Variants in COL21A1 observed in about 807,000 individuals in gnomAD.
The protein encoded by COL21A1 is collagen type XXI alpha 1 chain.
COL21A1 carries 149 observed loss-of-function variants against 137.9 expected under a neutral mutation model. The ratio of observed to expected loss-of-function variants is 1.08; its 90% CI spans 0.95 to 1.24. The LOEUF is 1.24. COL21A1 is among the 50% of genes most tolerant of loss of function. COL21A1 has a pLI of 0.00. For missense variants in COL21A1, 1,167 were observed against 1,158.4 expected (o/e 1.01, Z -0.11); for synonymous variants, 456 against 391.5 (o/e 1.16, Z -1.95).
chr6:56,101,561 A>T, intron 16 of COL21A1, 36 bp from the exon 17 acceptor site: 1 of 1,467,156 alleles, frequency 6.8e-7, no homozygotes, highest in Non-Finnish European at 9.4e-7. Flanking sequence ...TAGAGAATTC[A>T]GTTTTGAGGT....
At chr6:56,388,117 T>C (rs1030122213) in intron 1 of COL21A1, among the ~76,000 whole-genome samples, 14 of 152,196 alleles carry the variant, frequency 9.2e-5, no homozygotes, top group Admixed American at 3.9e-4. Context: ...AAGCCCCTGA[T>C]TGCAAGCCTT....
chr6:56,284,742 T>A (rs1270284830), intron 1 of COL21A1, among the ~76,000 whole-genome samples: 1 of 128,492 alleles, frequency 7.8e-6, no homozygotes, highest in Non-Finnish European at 1.7e-5. Flanking sequence ...ATGAACTTCA[T>A]CGACCTACCC....
chr6:56,326,084 T>C (rs1765083980), intron 1 of COL21A1, among the ~76,000 whole-genome samples: 1 of 128,540 alleles, frequency 7.8e-6, no homozygotes, highest in South Asian at 2.3e-4. Flanking sequence ...ATATTAATTA[T>C]GATAACTGAT....
chr6:56,332,978 C>T (rs1002989708), intron 1 of COL21A1, among the ~76,000 whole-genome samples: 8 of 151,886 alleles, frequency 5.3e-5, no homozygotes, highest in East Asian at 1.9e-4. Flanking sequence ...ATTTAGTTTT[C>T]CATGTTGTTT....
chr6:56,381,644 T>G (rs185396510), intron 1 of COL21A1, among the ~76,000 whole-genome samples: 16 of 152,342 alleles, frequency 1.1e-4, no homozygotes, highest in African/African-American at 3.8e-4. Flanking sequence ...TCACCGAACA[T>G]AAGCTACAAA....
At chr6:56,200,080 T>G (rs1465055168) in intron 1 of COL21A1, among the ~76,000 whole-genome samples, 3 of 152,100 alleles carry the variant, frequency 2.0e-5, no homozygotes, top group African/African-American at 7.2e-5. Context: ...GAGCCACACT[T>G]GATCAGATCT....
chr6:56,211,299 T>C (rs770407124), intron 1 of COL21A1, among the ~76,000 whole-genome samples: 3 of 150,614 alleles, frequency 2.0e-5, no homozygotes, highest in Non-Finnish European at 4.4e-5. Context: ...TAATGCACAG[T>C]CACCAAGGAA....
At chr6:56,158,607 G>C (rs1775967374) in intron 9 of COL21A1, among the ~76,000 whole-genome samples, 2 of 151,842 alleles carry the variant, frequency 1.3e-5, no homozygotes, top group Non-Finnish European at 2.9e-5. Context: ...CATTCACATA[G>C]AAATCAGTCA....
intron 23 of COL21A1, among the ~76,000 whole-genome samples, chr6:56,065,415 T>A (rs1056819090): frequency 6.6e-6 from 1 of 152,000 alleles, no homozygotes; most frequent in African/African-American, 2.4e-5. Flanking sequence ...AACAAAGATA[T>A]CATTGTGGCC....
At chr6:56,075,556 C>CATT in intron 18 of COL21A1, 24 bp from the exon 19 acceptor site, 1 of 1,458,466 alleles carries the variant, frequency 6.9e-7, no homozygotes, top group Non-Finnish European at 9.2e-7. Flanking sequence ...ACATTAAAAA[C>CATT]ATTATAAATT....
intron 1 of COL21A1, among the ~76,000 whole-genome samples, chr6:56,307,955 T>C (rs903079568): frequency 5.9e-5 from 9 of 152,218 alleles, no homozygotes; most frequent in African/African-American, 2.2e-4. Flanking sequence ...AACAGATGAA[T>C]GGATAAAGAA....
At position 56,332,828 on chromosome 6, in the gene COL21A1, G is replaced by A. The variant is rs143903930; in HGVS notation, c.-39+61143C>T. Reference sequence around the variant, plus strand: ...ATTTTTATTTCTCCTTTTACAAGCCGCCTATTAAATGTTCCTTGCCCATTA... The same window carrying A: ...ATTTTTATTTCTCCTTTTACAAGCCACCTATTAAATGTTCCTTGCCCATTA... On this transcript the variant is annotated intron_variant, in intron 1 of 28. Transcript: ENST00000370819. Among the ~76,000 whole-genome samples the A allele has an allele frequency of 4.0e-5, 6 of 151,820 alleles. No homozygotes were observed. In the East Asian group the frequency reaches 9.7e-4, roughly 25 times the overall value.
chr6:56,160,208 C>T (rs1776090641), intron 9 of COL21A1, among the ~76,000 whole-genome samples: 1 of 152,216 alleles, frequency 6.6e-6, no homozygotes, highest in African/African-American at 2.4e-5. Flanking sequence ...TTAATAAAAG[C>T]TGACACTCAA....
chr6:56,208,338 A>C (rs1779929162), intron 1 of COL21A1, among the ~76,000 whole-genome samples: 1 of 152,256 alleles, frequency 6.6e-6, no homozygotes, highest in African/African-American at 2.4e-5. Flanking sequence ...CTCAGGATAC[A>C]AAATCTATGT....
In COL21A1 at chr6:56,269,642, G is replaced by A. The variant is rs1435166921; in HGVS notation, c.-38-86986C>T. ...TGCACTCCAGCCTGGGCGACAGAGC[G>A]AGACTCCGTCTCAAAAAAAAAAAAA... On this transcript the variant is annotated intron_variant, in intron 1 of 28. Coordinates refer to the COL21A1 transcript ENST00000370819. 1.9e-4 allele frequency among the ~76,000 whole-genome samples: 24 copies of A among 124,506 alleles called. No individual in the cohort carries two copies. In the South Asian group the frequency reaches 5.9e-3, roughly 31 times the overall value. 81.7% of individuals were successfully genotyped at this position (124,506 alleles called of 152,430 possible). A position where few individuals can be genotyped will look rare whatever the true frequency, so the allele number is the denominator to read the frequency against.
intron 1 of COL21A1, among the ~76,000 whole-genome samples, chr6:56,295,059 T>C (rs1461302755): frequency 6.6e-6 from 1 of 152,106 alleles, no homozygotes; most frequent in East Asian, 1.9e-4. Context: ...TTCTACAGTT[T>C]TGCATTTTGC....
At chr6:56,241,793 AT>A (rs1284715785) in intron 1 of COL21A1, among the ~76,000 whole-genome samples, 4 of 152,246 alleles carry the variant, frequency 2.6e-5, no homozygotes, top group Non-Finnish European at 5.9e-5. Context: ...CCAGTGATAC[AT>A]CATGCTATGC....
intron 1 of COL21A1, among the ~76,000 whole-genome samples, chr6:56,300,811 G>A (rs887683323): frequency 6.6e-6 from 1 of 152,084 alleles, no homozygotes; most frequent in African/African-American, 2.4e-5. Context: ...TGATTGCTTG[G>A]TTGATTGACT....
rs557346083 is a variant in COL21A1, at chr6:56,262,986, C to G, written c.-38-80330G>C. On this transcript the variant is annotated intron_variant, in intron 1 of 28. Coordinates refer to the COL21A1 transcript ENST00000370819. ...CCGTTTTCAGATGAAGAAACTAATG[C>G]ATTAAAATATATAATCTTGAACAAA... Among the ~76,000 whole-genome samples the G allele has an allele frequency of 2.0e-5, 3 of 152,268 alleles. No individual in the cohort carries two copies. In the South Asian group the frequency reaches 6.2e-4, roughly 32 times the overall value.
Sources: allele counts gnomAD v4.1 joint callset (sites outside exome capture counted in the v4.1 genomes callset), GRCh38; gene constraint gnomAD v4.1.1; transcripts MANE v1.5; gene names NCBI Gene and HGNC (gene_info 2026-07-23, HGNC 2026-07-21).